SYBU: variants seen among roughly 807,000 people sequenced by gnomAD.
SYBU encodes syntabulin, also known as GOLSYN A protein.
Under a neutral mutation model 35.9 loss-of-function variants are expected in SYBU, and 21 were observed. That is an observed-to-expected ratio of 0.58 (90% CI 0.41 to 0.84). SYBU has a LOEUF of 0.84. Among genes scored for constraint, SYBU ranks in the 40% least tolerant of loss-of-function variants. The pLI is 0.00. For synonymous variants in SYBU, 319 were observed against 324.3 expected, an observed-to-expected ratio of 0.98 and a Z score of 0.18; for missense variants, 768 against 848.2, an observed-to-expected ratio of 0.91 and a Z score of 1.17.
intron 1 of SYBU, 32 bp from the exon 2 acceptor site, chr8:109,642,964 A>G: frequency 6.9e-7 from 1 of 1,452,948 alleles, no homozygotes; most frequent in Admixed American, 2.6e-5. Context: ...AGAAAACAAA[A>G]GGAAACGCGT....
intron 1 of SYBU, among the ~76,000 whole-genome samples, chr8:109,678,322 A>G (rs144479276): frequency 5.9e-5 from 9 of 151,826 alleles, no homozygotes; most frequent in African/African-American, 2.2e-4. Flanking sequence ...CCCATAACTT[A>G]AGATTGTTAG....
chr8:109,633,520 C>G (rs1193480390), intron 2 of SYBU, among the ~76,000 whole-genome samples: 3 of 152,130 alleles, frequency 2.0e-5, no homozygotes, highest in Admixed American at 2.0e-4. Context: ...GCCAGAGGAG[C>G]CTAGCAGCTG....
intron 1 of SYBU, chr8:109,644,342 C>T (rs1203461548): frequency 3.3e-6 from 2 of 601,982 alleles, no homozygotes; most frequent in Non-Finnish European, 3.1e-6. Flanking sequence ...TCATTCACAT[C>T]ACACACACAG....
chr8:109,625,028 T>C (rs1812831482), intron 2 of SYBU, among the ~76,000 whole-genome samples: 1 of 152,180 alleles, frequency 6.6e-6, no homozygotes, highest in Non-Finnish European at 1.5e-5. Flanking sequence ...ATAGGCACTT[T>C]TGAGAAAATC....
chr8:109,615,836 T>C (rs920094229), intron 3 of SYBU, among the ~76,000 whole-genome samples: 1 of 152,026 alleles, frequency 6.6e-6, no homozygotes, highest in African/African-American at 2.4e-5. Flanking sequence ...TGGTATGTGA[T>C]ATTTTGTGCA....
At chr8:109,586,906 A>G (rs1399726965) in intron 3 of SYBU, among the ~76,000 whole-genome samples, 1 of 152,232 alleles carries the variant, frequency 6.6e-6, no homozygotes, top group Non-Finnish European at 1.5e-5. Flanking sequence ...TAATTATAAT[A>G]TAAATATGCT....
chr8:109,585,896 G>A (rs750956354), intron 4 of SYBU, 164 bp downstream of exon 4: 5 of 605,874 alleles, frequency 8.3e-6, no homozygotes, highest in Non-Finnish European at 1.4e-5. Context: ...TGGCAAGACA[G>A]GAAAAACTAC....
chr8:109,658,910 C>T (rs1247436847), intron 1 of SYBU, among the ~76,000 whole-genome samples: 1 of 151,810 alleles, frequency 6.6e-6, no homozygotes, highest in Non-Finnish European at 1.5e-5. Context: ...GCAGAGATTG[C>T]GCCACACTGC....
chr8:109,691,377 C>G lies in SYBU; in HGVS notation c.-102G>C, dbSNP rs1273724385. On this transcript the variant is annotated 5_prime_UTR_variant, in exon 1 of 8. Coordinates refer to the SYBU transcript ENST00000422135. This position sits in a 1 kb window ranked among gnomAD's most constrained non-coding sequence, Gnocchi z 4.7. Reference sequence around the variant, plus strand: ...CCCCATCGCGCTGTCCAGGAGGAGGCACCTACGTGCGCCCGGGAGACCGGG... The same window carrying G: ...CCCCATCGCGCTGTCCAGGAGGAGGGACCTACGTGCGCCCGGGAGACCGGG... 1 of 696,316 alleles carries G rather than the reference C, an allele frequency of 1.4e-6. No homozygotes were observed. The highest frequency in any genetic ancestry group is 2.6e-6 in the Non-Finnish European group (1 of 382,480). 43.1% of individuals were successfully genotyped at this position (696,316 alleles called of 1,614,324 possible).
At chr8:109,624,925 G>A (rs1586867813) in intron 2 of SYBU, among the ~76,000 whole-genome samples, 1 of 152,076 alleles carries the variant, frequency 6.6e-6, no homozygotes, top group African/African-American at 2.4e-5. Context: ...TGCATCAGTG[G>A]CCATCTAGCC....
intron 1 of SYBU, among the ~76,000 whole-genome samples, chr8:109,652,364 C>CCTCCTT (rs1554626135): frequency 1.3e-5 from 2 of 151,316 alleles, no homozygotes; most frequent in East Asian, 3.9e-4. Flanking sequence ...TCCTCCTCCT[C>CCTCCTT]CTTCTTTTTC....
chr8:109,591,372 C>A (rs1289484785), intron 3 of SYBU, among the ~76,000 whole-genome samples: 1 of 152,030 alleles, frequency 6.6e-6, no homozygotes, highest in African/African-American at 2.4e-5. Context: ...TATAAAGAGA[C>A]TCTTATTTTC....
At chr8:109,642,167 A>G (rs1468397811) in intron 2 of SYBU, among the ~76,000 whole-genome samples, 2 of 152,208 alleles carry the variant, frequency 1.3e-5, no homozygotes, top group Admixed American at 1.3e-4. Context: ...ACATGGATGA[A>G]GCTGGAAACC....
chr8:109,578,545 G>A (rs1489482199), intron 5 of SYBU, among the ~76,000 whole-genome samples: 1 of 152,200 alleles, frequency 6.6e-6, no homozygotes, highest in Non-Finnish European at 1.5e-5. Flanking sequence ...TAATAGAATT[G>A]CCGATCTTAG....
intron 3 of SYBU, among the ~76,000 whole-genome samples, chr8:109,593,566 C>T (rs571473296): frequency 1.3e-5 from 2 of 152,334 alleles, no homozygotes; most frequent in South Asian, 4.1e-4. Flanking sequence ...ACAGTTGGTT[C>T]ATGGTTCAAA....
intron 2 of SYBU, among the ~76,000 whole-genome samples, chr8:109,628,672 T>C (rs1235791673): frequency 6.6e-6 from 1 of 152,122 alleles, no homozygotes; most frequent in Non-Finnish European, 1.5e-5. Flanking sequence ...AAAAGATTTT[T>C]TTTTTTAAAG....
chr8:109,596,473 T>C (rs192084343), intron 3 of SYBU, among the ~76,000 whole-genome samples: 3 of 152,356 alleles, frequency 2.0e-5, no homozygotes, highest in Admixed American at 6.5e-5. Context: ...TCCTTTATCT[T>C]ATCCCCTGTT....
intron 1 of SYBU, chr8:109,643,626 T>C (rs1436252668): frequency 6.5e-6 from 1 of 154,458 alleles, no homozygotes; most frequent in Non-Finnish European, 1.4e-5. Flanking sequence ...TTTTTCTTTC[T>C]CCTTAAAAAC....
At chr8:109,581,086 A>C (rs1822977486) in intron 4 of SYBU, 1 of 152,116 alleles carries the variant, frequency 6.6e-6, no homozygotes, top group Non-Finnish European at 1.5e-5. Flanking sequence ...TGCTCCCTAA[A>C]ACTCTGTGCA....
Sources: gnomAD v4.1 joint callset for allele counts (sites outside exome capture counted in the v4.1 genomes callset) on GRCh38, gnomAD v4.1.1 for gene constraint, Gnocchi (gnomAD v3.1) non-coding constraint, MANE v1.5 for transcripts, NCBI Gene and HGNC (gene_info 2026-07-23, HGNC 2026-07-21) for gene names.